The following PALLD variants were observed in gnomAD, a reference collection of about 807,000 sequenced individuals.
The protein encoded by PALLD is palladin.
A neutral mutation model predicts 123.5 loss-of-function variants in PALLD; 61 were observed. The ratio of observed to expected loss-of-function variants is 0.49; its 90% CI spans 0.40 to 0.61. The LOEUF is 0.61. Ranked by LOEUF, PALLD falls within the 20% of genes least tolerant of loss-of-function variation. The probability of loss-of-function intolerance (pLI) is 0.00; values close to 1 mark genes in which losing one functional copy is unlikely to be tolerated. For synonymous variants in PALLD, 465 were observed against 496.4 expected, an observed-to-expected ratio of 0.94 and a Z score of 0.84; for missense variants, 1,273 against 1,377.0, an observed-to-expected ratio of 0.92 and a Z score of 1.20.
chr4:168,596,074 C>T (rs1048410096), intron 2 of PALLD, among the ~76,000 whole-genome samples: 1 of 151,736 alleles, frequency 6.6e-6, no homozygotes, highest in African/African-American at 2.4e-5. Context: ...ACTATTTATA[C>T]TCCATTTAAA....
intron 10 of PALLD, chr4:168,756,260 T>C (rs1377039891): frequency 4.9e-6 from 1 of 203,188 alleles, no homozygotes. Context: ...GGAAATGACA[T>C]TGAACTTGTT....
At chr4:168,888,843 A>C (rs1753735012) in intron 10 of PALLD, among the ~76,000 whole-genome samples, 1 of 152,158 alleles carries the variant, frequency 6.6e-6, no homozygotes, top group Non-Finnish European at 1.5e-5. Flanking sequence ...GCAAGGAAAC[A>C]AAGGGGAGTG....
intron 2 of PALLD, among the ~76,000 whole-genome samples, chr4:168,582,367 A>G (rs867437724): frequency 6.6e-6 from 1 of 151,940 alleles, no homozygotes; most frequent in South Asian, 2.1e-4. Flanking sequence ...TTTTTTGTGG[A>G]GTCGTTAGGG....
intron 3 of PALLD, among the ~76,000 whole-genome samples, chr4:168,679,166 A>G (rs1387310838): frequency 1.4e-3 from 40 of 29,598 alleles, no homozygotes; most frequent in African/African-American, 5.2e-3. Flanking sequence ...GTGTGTGTGC[A>G]TGGTGTGTGG....
Position 168,927,311 on chromosome 4 carries a change from T to C in PALLD, c.*1131T>C, listed in dbSNP as rs773353973. 1 of 232,082 alleles carries C rather than the reference T, an allele frequency of 4.3e-6. No homozygotes were observed. The highest frequency in any genetic ancestry group is 8.5e-6 in the Non-Finnish European group (1 of 117,060). The allele number at this position is 232,082 out of a possible 1,614,324, so 14.4% of individuals were successfully genotyped here. A position where few individuals can be genotyped will look rare whatever the true frequency, so the allele number is the denominator to read the frequency against. ...GAGGTAGCAAAGGCCAGGCTTTTCT[T>C]TGGTTTTCTTCAAACATAGGTGAAA... On this transcript the variant is annotated 3_prime_UTR_variant, in exon 22 of 22. Coordinates refer to ENST00000505667, the MANE Select transcript of PALLD (RefSeq NM_001166108.2).
At chr4:168,745,198 A>G (rs565919587) in intron 10 of PALLD, among the ~76,000 whole-genome samples, 2 of 152,322 alleles carry the variant, frequency 1.3e-5, no homozygotes, top group African/African-American at 2.4e-5. Flanking sequence ...AGCCTAATGC[A>G]TGGCACTCAG....
At chr4:168,888,438 T>A (rs1753674612) in intron 10 of PALLD, among the ~76,000 whole-genome samples, 1 of 152,136 alleles carries the variant, frequency 6.6e-6, no homozygotes, top group South Asian at 2.1e-4. Context: ...CCCAAAACAT[T>A]ATCAGGGCCC....
chr4:168,589,609 G>A (rs968873685), intron 2 of PALLD, among the ~76,000 whole-genome samples: 1 of 146,490 alleles, frequency 6.8e-6, no homozygotes, highest in African/African-American at 2.5e-5. Flanking sequence ...CAAGAAGGGG[G>A]AGAACAAGTT....
intron 2 of PALLD, among the ~76,000 whole-genome samples, chr4:168,667,490 A>G (rs985416942): frequency 6.6e-6 from 1 of 152,176 alleles, no homozygotes; most frequent in Non-Finnish European, 1.5e-5. Flanking sequence ...TGCTGGGGGA[A>G]GAGAGGAGAG....
chr4:168,740,490 G>C (rs1186270511), intron 10 of PALLD, among the ~76,000 whole-genome samples: 1 of 152,104 alleles, frequency 6.6e-6, no homozygotes, highest in Non-Finnish European at 1.5e-5. Flanking sequence ...TCCTCATGCT[G>C]TGGTTTTTTT....
rs137962109 is a variant in PALLD at position 168,712,248 on chromosome 4, A to T, written c.1964+325A>T. The T allele has an allele frequency of 2.2e-3, 953 of 436,270 alleles. 6 individuals carry two copies. Among genetic ancestry groups the T allele is most frequent in the Non-Finnish European group, 3.2e-3 (760 of 237,492 alleles). 27.0% of individuals were successfully genotyped at this position (436,270 alleles called of 1,614,324 possible). On this transcript the variant is annotated intron_variant, in intron 10 of 21. Transcript: ENST00000505667. ...CCATGGAAAAGGGGGATCTACTTTC[A>T]GCCCTTTATTAAAAGCATTTCAAAA... is the stretch of plus-strand genomic sequence containing the variant.
rs746028081 is a variant in PALLD at position 168,511,894 on chromosome 4, G to A, written c.390G>A (p.Arg130=). 5.6e-6 allele frequency: 9 copies of A among 1,614,128 alleles called. No individual in the cohort carries two copies. In the East Asian group the frequency reaches 1.8e-4, roughly 32 times the overall value. ...RKPAMSPLLT[R]PSYIRSLRKA... ...CTGCCATGTCACCCCTGCTCACCAG[G>A]CCCAGCTACATCCGGAGCCTCCGAA... The change falls in exon 2 of 22, where the codon AGG becomes AGA. Residue 130 remains arginine, a synonymous_variant. Coordinates refer to ENST00000505667, the MANE Select transcript of PALLD (RefSeq NM_001166108.2).
intron 8 of PALLD, among the ~76,000 whole-genome samples, chr4:168,692,019 C>T (rs144583510): frequency 2.0e-5 from 3 of 152,276 alleles, no homozygotes; most frequent in East Asian, 3.9e-4. Flanking sequence ...GTATTTTTCC[C>T]ATCAGCAGGG....
At chr4:168,902,772 TA>T (rs1352789335) in intron 14 of PALLD, among the ~76,000 whole-genome samples, 1 of 152,212 alleles carries the variant, frequency 6.6e-6, no homozygotes, top group East Asian at 1.9e-4. Context: ...AATTTACTTT[TA>T]TTTTTTACAT....
intron 1 of PALLD, among the ~76,000 whole-genome samples, chr4:168,508,738 GT>G (rs1762254554): frequency 6.6e-6 from 1 of 151,918 alleles, no homozygotes; most frequent in African/African-American, 2.4e-5. Flanking sequence ...TGAAAATATA[GT>G]CTGTTGTGCC....
intron 10 of PALLD, chr4:168,863,899 T>G (rs576033362): frequency 1.6e-4 from 24 of 152,370 alleles, no homozygotes; most frequent in African/African-American, 5.5e-4. Flanking sequence ...TTTCCTGGTA[T>G]GAACTCCTTG....
intron 10 of PALLD, among the ~76,000 whole-genome samples, chr4:168,840,786 A>G (rs1745925788): frequency 6.6e-6 from 1 of 152,078 alleles, no homozygotes; most frequent in Admixed American, 6.5e-5. Flanking sequence ...ATACCAGGAC[A>G]TTTGCTGCTG....
chr4:168,831,155 T>C (rs949825748), intron 10 of PALLD, among the ~76,000 whole-genome samples: 6 of 152,242 alleles, frequency 3.9e-5, no homozygotes, highest in African/African-American at 1.4e-4. Context: ...GGGGTGTCCT[T>C]AGCTGATCTG....
chr4:168,826,332 A>G (rs1312454391), intron 10 of PALLD, among the ~76,000 whole-genome samples: 1 of 152,198 alleles, frequency 6.6e-6, no homozygotes, highest in Non-Finnish European at 1.5e-5. Context: ...GATCTTAGGG[A>G]CGGTGAATGG....
Sources: gnomAD v4.1 joint callset for allele counts (sites outside exome capture counted in the v4.1 genomes callset) on GRCh38, gnomAD v4.1.1 for gene constraint, MANE v1.5 for transcripts, NCBI Gene and HGNC (gene_info 2026-07-23, HGNC 2026-07-21) for gene names.